ZNF649: variants seen among roughly 807,000 people sequenced by gnomAD.
ZNF649 encodes zinc finger protein 649.
ZNF649 carries 7 observed loss-of-function variants against 14.1 expected under a neutral mutation model. The ratio of observed to expected loss-of-function variants is 0.49; its 90% CI spans 0.28 to 0.93. The LOEUF is 0.93. Ranked by LOEUF, ZNF649 falls within the 40% of genes least tolerant of loss-of-function variation. The pLI is 0.10. For missense variants in ZNF649, 544 were observed against 608.1 expected, an observed-to-expected ratio of 0.89 and a Z score of 1.11; for synonymous variants, 227 against 212.3, an observed-to-expected ratio of 1.07 and a Z score of -0.60.
chr19:51,897,041 T>G lies in ZNF649; in HGVS notation c.16-63A>C, dbSNP rs1262188548. ...TATTGACATGGAAGAAATATGAAGT[T>G]GTTCGGCCCATTTTCACCACATAAG... is the stretch of plus-strand genomic sequence containing the variant. On this transcript the variant is annotated intron_variant, in intron 2 of 4. Coordinates refer to ENST00000354957, the MANE Select transcript of ZNF649 (RefSeq NM_023074.4). 3.7e-6 allele frequency: 6 copies of G among 1,606,028 alleles called. No homozygotes were observed. The African/African-American group carries it at 5.3e-5, about 14-fold the overall frequency.
intron 4 of ZNF649, among the ~76,000 whole-genome samples, chr19:51,894,981 G>A (rs564524132): frequency 6.6e-6 from 1 of 152,280 alleles, no homozygotes; most frequent in African/African-American, 2.4e-5. Flanking sequence ...CTTAATAGAT[G>A]GAAAAGTATG....
intron 1 of ZNF649, chr19:51,904,180 T>A (rs1313587248): frequency 6.6e-6 from 1 of 152,240 alleles, no homozygotes; most frequent in African/African-American, 2.4e-5. Context: ...CCCTGGAGTC[T>A]CTGTTAATCT....
intron 2 of ZNF649, among the ~76,000 whole-genome samples, chr19:51,898,913 TTAAAAAA>T (rs1187661448): frequency 2.7e-5 from 4 of 148,446 alleles, no homozygotes; most frequent in Admixed American, 6.6e-5. Flanking sequence ...CTCCATCTCA[TTAAAAAA>T]TAAAAAATAA....
chr19:51,889,346 AGACTGACT>A lies in ZNF649; in HGVS notation c.*1264_*1271del, dbSNP rs2084999448. ...CAGGCTACTAGAAAAAATACACCATAGACTGACTGACTGCCTTAACAAACATTCATTTC... is the reference window on the plus strand; with the variant it reads ...CAGGCTACTAGAAAAAATACACCATAGACTGCCTTAACAAACATTCATTTC... On this transcript the variant is annotated 3_prime_UTR_variant, in exon 5 of 5. Coordinates refer to ENST00000354957, the MANE Select transcript of ZNF649 (RefSeq NM_023074.4). 1.3e-5 allele frequency: 2 copies of A among 152,224 alleles called. No homozygotes were observed. The highest frequency in any genetic ancestry group is 2.9e-5 in the Non-Finnish European group (2 of 68,042). 9.4% of individuals were successfully genotyped at this position (152,224 alleles called of 1,614,324 possible).
intron 1 of ZNF649, among the ~76,000 whole-genome samples, chr19:51,901,718 G>A (rs2085095769): frequency 6.6e-6 from 1 of 152,098 alleles, no homozygotes; most frequent in Admixed American, 6.5e-5. Context: ...TACTTTGGGA[G>A]GCCAAGGTGG....
Position 51,896,954 on chromosome 19 carries a change from C to T in ZNF649, c.40G>A (p.Ala14Thr). ...AQESLTLEDVAVDFTWEEWQF... is the reference protein window; with the variant it reads ...AQESLTLEDVTVDFTWEEWQF... ...CACTCCTCCCAGGTGAAGTCCACAG[C>T]CACATCCTCCAGGGTCAGTGATTCC... The change falls in exon 3 of 5, where the codon GCT (alanine) becomes ACT (threonine). Residue 14 changes from alanine to threonine, a missense_variant. Physicochemically the swap from Ala to Thr is moderately conservative, Grantham distance 58. Transcript: ENST00000354957. The T allele has an allele frequency of 6.2e-7, 1 of 1,614,222 alleles. No homozygotes were observed. The highest frequency in any genetic ancestry group is 1.1e-5 in the South Asian group (1 of 91,088).
intron 4 of ZNF649, 144 bp from the exon 5 acceptor site, chr19:51,892,041 G>T: frequency 9.6e-7 from 1 of 1,045,572 alleles, no homozygotes; most frequent in Non-Finnish European, 1.3e-6. Context: ...TTCCCTATCT[G>T]TTAAAAAAAC....
At position 51,900,163 on chromosome 19, in the gene ZNF649, C is replaced by T; in HGVS notation, c.-56G>A. On this transcript the variant is annotated 5_prime_UTR_variant, in exon 2 of 5. Coordinates refer to ENST00000354957, the MANE Select transcript of ZNF649 (RefSeq NM_023074.4). ...TGGGATGCTTCGTCTTTGGTTTCTT[C>T]TGGATCCTCCCTAAATTTTGGCTAA... 7.0e-7 allele frequency: 1 copy of T among 1,428,350 alleles called. No homozygotes were observed. The highest frequency in any genetic ancestry group is 1.8e-5 in the South Asian group (1 of 56,454). The allele number at this position is 1,428,350 out of a possible 1,614,324, so 88.5% of individuals were successfully genotyped here.
In ZNF649 at chr19:51,891,883, C is replaced by G; in HGVS notation, c.253G>C (p.Asp85His). The G allele has an allele frequency of 1.3e-6, 2 of 1,560,432 alleles. No individual in the cohort carries two copies. Among genetic ancestry groups the G allele is most frequent in the Non-Finnish European group, 1.7e-6 (2 of 1,160,546 alleles). Residue 85 changes from aspartate (D) to histidine (H), a missense_variant, in exon 5 of 5, where the codon GAT (aspartate) becomes CAT (histidine). By Grantham distance (81) the Asp-to-His change is moderately conservative (BLOSUM62 -1). Transcript: ENST00000354957. This position sits in a 1 kb window ranked among gnomAD's most constrained non-coding sequence, Gnocchi z 4.2. The stretch of plus-strand genomic sequence containing the variant: ...TGCAAGGGCTGCTGCAGATGATCAT[C>G]AGCTTTCTCAATTTCTAAGAGAGAG... ...SPAHPEIEKA[D>H]DHLQQPLQNQ... is the part of the protein sequence containing the mutation.
At chr19:51,896,003 T>C (rs548580052) in intron 4 of ZNF649, 38 of 160,428 alleles carry the variant, frequency 2.4e-4, no homozygotes, top group African/African-American at 7.2e-4. Context: ...ATCAGGTAGA[T>C]AGGGTCAGAG....
chr19:51,902,004 AAG>A (rs1483209291), intron 1 of ZNF649, among the ~76,000 whole-genome samples: 3 of 151,886 alleles, frequency 2.0e-5, no homozygotes, highest in Admixed American at 6.6e-5. Flanking sequence ...ATAAAAATAA[AAG>A]AGGCTTCACA....
intron 4 of ZNF649, among the ~76,000 whole-genome samples, chr19:51,894,539 A>G (rs1413510849): frequency 6.6e-6 from 1 of 152,196 alleles, no homozygotes; most frequent in African/African-American, 2.4e-5. Flanking sequence ...TGTCTCTTGC[A>G]TAAGATATTT....
At position 51,900,149 on chromosome 19, in the gene ZNF649, G is replaced by A. The variant is rs758435751; in HGVS notation, c.-42C>T. On this transcript the variant is annotated 5_prime_UTR_variant, in exon 2 of 5. In the 5' UTR this introduces an upstream ATG that the reference lacks. Transcript: ENST00000354957. ...AAATACCCAAGAACTGGGATGCTTC[G>A]TCTTTGGTTTCTTCTGGATCCTCCC... The A allele has an allele frequency of 2.3e-5, 34 of 1,470,520 alleles. No homozygotes were observed. The Middle Eastern group carries it at 1.3e-3, about 55-fold the overall frequency. The allele number at this position is 1,470,520 out of a possible 1,614,324, so 91.1% of individuals were successfully genotyped here.
chr19:51,899,045 T>G (rs562138371), intron 2 of ZNF649, among the ~76,000 whole-genome samples: 50 of 152,308 alleles, frequency 3.3e-4, no homozygotes, highest in African/African-American at 1.2e-3. Flanking sequence ...ATCCTGAGGT[T>G]GTCTAGGAGC....
chr19:51,902,216 T>C (rs1415472781), intron 1 of ZNF649, among the ~76,000 whole-genome samples: 1 of 152,178 alleles, frequency 6.6e-6, no homozygotes, highest in Admixed American at 6.5e-5. Context: ...TTATAAATTA[T>C]CCAGTCTCAG....
At chr19:51,900,555 C>T (rs753368288) in intron 1 of ZNF649, 41 of 157,788 alleles carry the variant, frequency 2.6e-4, no homozygotes, top group Non-Finnish European at 4.6e-4. Flanking sequence ...TCCTTAAGCA[C>T]AGTGTTTATA....
chr19:51,896,141 G>A (rs2085061040), intron 4 of ZNF649: 2 of 241,846 alleles, frequency 8.3e-6, no homozygotes, highest in Admixed American at 1.0e-4. Context: ...GAAAAAAACA[G>A]TTTGTCGTTT....
intron 2 of ZNF649, 148 bp from the exon 3 acceptor site, chr19:51,897,126 T>G: frequency 9.0e-7 from 1 of 1,107,388 alleles, no homozygotes; most frequent in Non-Finnish European, 1.3e-6. Flanking sequence ...ATGCCCCACA[T>G]ATACCGAAAT....
chr19:51,901,190 T>C (rs1308140660), intron 1 of ZNF649, among the ~76,000 whole-genome samples: 1 of 152,130 alleles, frequency 6.6e-6, no homozygotes, highest in Non-Finnish European at 1.5e-5. Flanking sequence ...GTGAAGGTGC[T>C]CACTGCCTAA....
Sources: gnomAD v4.1 joint callset for allele counts (sites outside exome capture counted in the v4.1 genomes callset) on GRCh38, gnomAD v4.1.1 for gene constraint, Gnocchi (gnomAD v3.1) non-coding constraint, MANE v1.5 for transcripts, NCBI Gene and HGNC (gene_info 2026-07-23, HGNC 2026-07-21) for gene names.